The following KCNQ3 variants were observed in gnomAD, a reference collection of about 807,000 sequenced individuals.
The protein encoded by KCNQ3 is potassium voltage-gated channel subfamily Q member 3, also known as potassium voltage-gated channel subfamily KQT member 3.
Under a neutral mutation model 92.5 loss-of-function variants are expected in KCNQ3, and 30 were observed. The observed-to-expected ratio is 0.32, with a 90% CI of 0.24 to 0.44. The LOEUF (loss-of-function observed/expected upper bound fraction) is 0.44, where lower values mean the gene tolerates loss of function less well. KCNQ3 is among the 20% of genes least tolerant of loss of function. The pLI is 1.00. For synonymous variants in KCNQ3, 450 were observed against 468.8 expected (o/e 0.96, Z 0.52); for missense variants, 913 against 1,140.3 (o/e 0.80, Z 2.87).
intron 1 of KCNQ3, among the ~76,000 whole-genome samples, chr8:132,358,624 C>G (rs1533402): frequency 0.47 from 71,780 of 151,970 alleles, 19,701 homozygotes; most frequent in African/African-American, 0.77. Flanking sequence ...TGAGGAGGCA[C>G]GAAGCTTGCC....
chr8:132,464,591 A>G (rs1443175336), intron 1 of KCNQ3, among the ~76,000 whole-genome samples: 1 of 152,206 alleles, frequency 6.6e-6, no homozygotes, highest in Non-Finnish European at 1.5e-5. Flanking sequence ...CTTCAGTGTG[A>G]TAAAAAGTCG....
intron 1 of KCNQ3, among the ~76,000 whole-genome samples, chr8:132,199,410 C>T (rs562636513): frequency 2.6e-5 from 4 of 152,152 alleles, no homozygotes; most frequent in Non-Finnish European, 5.9e-5. Flanking sequence ...ATACTATAAA[C>T]ACATTTTTGT....
chr8:132,315,578 C>T (rs912576171), intron 1 of KCNQ3, among the ~76,000 whole-genome samples: 2 of 151,816 alleles, frequency 1.3e-5, no homozygotes, highest in African/African-American at 2.4e-5. Context: ...GTTTTTTTTC[C>T]ACCCCCTCCC....
At position 132,129,781 on chromosome 8, in the gene KCNQ3, G is replaced by T. The variant is rs563382297; in HGVS notation, c.2100C>A (p.His700Gln). The T allele has an allele frequency of 6.2e-7, 1 of 1,614,212 alleles. No individual in the cohort carries two copies. Among genetic ancestry groups the T allele is most frequent in the African/African-American group, 1.3e-5 (1 of 75,050 alleles). ...TGPPEPPYSF[H>Q]QVTIDKVSPY... ...GGCTGACTTTGTCAATGGTCACCTGGTGGAAGCTGTAGGGTGGTTCCGGGG... is the reference window on the plus strand; with the variant it reads ...GGCTGACTTTGTCAATGGTCACCTGTTGGAAGCTGTAGGGTGGTTCCGGGG... The change falls in exon 15 of 15, where the codon CAC becomes CAA. Residue 700 changes from histidine to glutamine, a missense_variant. His to Gln is a conservative substitution (Grantham distance 24). Transcript: ENST00000388996. This position sits in a 1 kb window ranked among gnomAD's most constrained non-coding sequence, Gnocchi z 5.9.
chr8:132,350,403 C>T (rs1818825703), intron 1 of KCNQ3, among the ~76,000 whole-genome samples: 2 of 152,112 alleles, frequency 1.3e-5, no homozygotes, highest in Admixed American at 6.5e-5. Context: ...CCTAACATCC[C>T]AGGGACAGAA....
intron 1 of KCNQ3, among the ~76,000 whole-genome samples, chr8:132,224,606 G>T (rs1814348128): frequency 6.6e-6 from 1 of 152,082 alleles, no homozygotes; most frequent in South Asian, 2.1e-4. Context: ...TTCACATTTT[G>T]CAGTACTCTC....
intron 1 of KCNQ3, among the ~76,000 whole-genome samples, chr8:132,464,049 G>T (rs973202878): frequency 1.3e-5 from 2 of 152,206 alleles, no homozygotes; most frequent in African/African-American, 2.4e-5. Context: ...GCTGGGTGTG[G>T]TGGCGGGCGC....
intron 1 of KCNQ3, among the ~76,000 whole-genome samples, chr8:132,378,037 C>CT (rs1819656085): frequency 2.6e-5 from 4 of 151,952 alleles, no homozygotes; most frequent in Admixed American, 2.0e-4. Flanking sequence ...AAAAATGACA[C>CT]TTTTTTTCAA....
chr8:132,247,970 C>CTAT (rs5895134), intron 1 of KCNQ3, among the ~76,000 whole-genome samples: 86,441 of 151,222 alleles, frequency 0.57, 25,526 homozygotes, highest in East Asian at 0.77. Flanking sequence ...GGAGTGAGCA[C>CTAT]TATTATTATC....
intron 1 of KCNQ3, among the ~76,000 whole-genome samples, chr8:132,318,379 G>A (rs962217859): frequency 3.3e-5 from 5 of 152,150 alleles, no homozygotes; most frequent in Non-Finnish European, 5.9e-5. Context: ...TTAGTATTTC[G>A]CAGCTCAGAG....
intron 1 of KCNQ3, among the ~76,000 whole-genome samples, chr8:132,448,223 G>T (rs1821730769): frequency 6.6e-6 from 1 of 152,102 alleles, no homozygotes; most frequent in African/African-American, 2.4e-5. Flanking sequence ...TCTGCAGTAG[G>T]CACCTGAACC....
At chr8:132,190,815 G>A (rs934815943) in intron 1 of KCNQ3, among the ~76,000 whole-genome samples, 1 of 152,226 alleles carries the variant, frequency 6.6e-6, no homozygotes, top group Admixed American at 6.5e-5. Flanking sequence ...ATACCATGTG[G>A]AATGGGAATC....
chr8:132,252,681 C>T (rs1815453202), intron 1 of KCNQ3, among the ~76,000 whole-genome samples: 1 of 152,154 alleles, frequency 6.6e-6, no homozygotes, highest in Non-Finnish European at 1.5e-5. Flanking sequence ...GGCCCATTTA[C>T]AATCCTTTAG....
chr8:132,246,723 CTCT>C (rs1815192538), intron 1 of KCNQ3, among the ~76,000 whole-genome samples: 1 of 152,212 alleles, frequency 6.6e-6, no homozygotes, highest in South Asian at 2.1e-4. Context: ...TTTGTGCTCG[CTCT>C]TCAACTCCGT....
intron 1 of KCNQ3, among the ~76,000 whole-genome samples, chr8:132,288,938 C>A (rs1304036821): frequency 6.6e-6 from 1 of 152,144 alleles, no homozygotes; most frequent in Non-Finnish European, 1.5e-5. Flanking sequence ...ATGGCAAGGC[C>A]TTGTCAATGA....
At chr8:132,131,655 C>T (rs1824882492) in intron 14 of KCNQ3, among the ~76,000 whole-genome samples, 1 of 152,188 alleles carries the variant, frequency 6.6e-6, no homozygotes, top group Admixed American at 6.5e-5. Context: ...CCCCATACTA[C>T]AGATGAGGAA....
chr8:132,210,313 T>G (rs1813809810), intron 1 of KCNQ3, among the ~76,000 whole-genome samples: 1 of 152,190 alleles, frequency 6.6e-6, no homozygotes, highest in South Asian at 2.1e-4. Flanking sequence ...GAGCCATGTC[T>G]CTTGCTGGTC....
chr8:132,273,706 A>C (rs1586885532), intron 1 of KCNQ3, among the ~76,000 whole-genome samples: 1 of 152,208 alleles, frequency 6.6e-6, no homozygotes, highest in African/African-American at 2.4e-5. Flanking sequence ...GAATGTCTTT[A>C]ACAGCACCCA....
intron 1 of KCNQ3, among the ~76,000 whole-genome samples, chr8:132,443,402 G>C (rs2130840859): frequency 6.6e-6 from 1 of 152,194 alleles, no homozygotes; most frequent in Admixed American, 6.5e-5. Flanking sequence ...AGTTTCTAGG[G>C]CTAAGAATAA....
Sources: allele counts gnomAD v4.1 joint callset (sites outside exome capture counted in the v4.1 genomes callset), GRCh38; gene constraint gnomAD v4.1.1; non-coding constraint Gnocchi (gnomAD v3.1); transcripts MANE v1.5; gene names NCBI Gene and HGNC (gene_info 2026-07-23, HGNC 2026-07-21).